The following ABHD2 variants were observed in gnomAD, a reference collection of about 807,000 sequenced individuals.
ABHD2 encodes monoacylglycerol lipase ABHD2.
Under a neutral mutation model 48.1 loss-of-function variants are expected in ABHD2, and 20 were observed. The observed-to-expected ratio is 0.42, with a 90% CI of 0.29 to 0.60. The LOEUF is 0.60. Ranked by LOEUF, ABHD2 falls within the 20% of genes least tolerant of loss-of-function variation. ABHD2 has a pLI of 0.24. For missense variants in ABHD2, 405 were observed against 550.9 expected, an observed-to-expected ratio of 0.74 and a Z score of 2.65; for synonymous variants, 209 against 214.2, an observed-to-expected ratio of 0.98 and a Z score of 0.21.
intron 3 of ABHD2, among the ~76,000 whole-genome samples, chr15:89,117,580 C>G (rs1040015941): frequency 2.0e-5 from 3 of 152,224 alleles, no homozygotes; most frequent in African/African-American, 7.2e-5. Flanking sequence ...CTTTTTCAAG[C>G]TTACTCCATT....
chr15:89,179,184 A>G lies in ABHD2; in HGVS notation c.722+3189A>G, dbSNP rs1312802981. Among the ~76,000 whole-genome samples the G allele has an allele frequency of 1.3e-5, 2 of 152,216 alleles. No homozygotes were observed. Among genetic ancestry groups the G allele is most frequent in the Non-Finnish European group, 2.9e-5 (2 of 68,030 alleles). ...TGAAGGAGGTGAGGGTGAGGAGGAC[A>G]GTAGCACAGGGCCCAGGCCAGGGGC... On this transcript the variant is annotated intron_variant, in intron 6 of 10. Transcript: ENST00000352732. The surrounding 1 kb of genome is among the most constrained non-coding windows in gnomAD (Gnocchi z 4.3).
At chr15:89,062,702 A>T in the ABHD2 span, among the ~76,000 whole-genome samples, 5 of 151,964 alleles carry the variant, frequency 3.3e-5, no homozygotes, top group African/African-American at 9.7e-5. Flanking sequence ...TTGATTTTTT[A>T]AAAATACATT....
the ABHD2 span, among the ~76,000 whole-genome samples, chr15:89,055,927 G>A: frequency 6.6e-6 from 1 of 152,080 alleles, no homozygotes; most frequent in East Asian, 1.9e-4. Context: ...GCAGTGGCGT[G>A]ATCACGGCTC....
intron 1 of ABHD2, among the ~76,000 whole-genome samples, chr15:89,108,781 G>A (rs1313256602): frequency 6.6e-6 from 1 of 152,228 alleles, no homozygotes; most frequent in African/African-American, 2.4e-5. Flanking sequence ...AAGGCCCTGA[G>A]GGTTGTTAGT....
intron 3 of ABHD2, among the ~76,000 whole-genome samples, chr15:89,140,749 C>T (rs2050389747): frequency 6.6e-6 from 1 of 152,128 alleles, no homozygotes; most frequent in African/African-American, 2.4e-5. Flanking sequence ...AGAGAGAGCA[C>T]CTTACTGTAT....
In ABHD2 at chr15:89,102,206, A is replaced by G. The variant is rs528162119; in HGVS notation, c.-106-11519A>G. On this transcript the variant is annotated intron_variant, in intron 1 of 10. Coordinates refer to ENST00000352732, the MANE Select transcript of ABHD2 (RefSeq NM_152924.5). This position sits in a 1 kb window ranked among gnomAD's most constrained non-coding sequence, Gnocchi z 4.8. ...ACCCCTCCTTCTCACCTTCTCTTCTATTCCATCTCTTCCAGTGGTTCCCAG... is the reference window on the plus strand; with the variant it reads ...ACCCCTCCTTCTCACCTTCTCTTCTGTTCCATCTCTTCCAGTGGTTCCCAG... Among the ~76,000 whole-genome samples the G allele has an allele frequency of 7.9e-5, 12 of 152,090 alleles. No individual in the cohort carries two copies. Among genetic ancestry groups the G allele is most frequent in the Admixed American group, 3.9e-4 (6 of 15,280 alleles).
the ABHD2 span, among the ~76,000 whole-genome samples, chr15:89,063,593 G>A: frequency 6.6e-6 from 1 of 151,732 alleles, no homozygotes; most frequent in Non-Finnish European, 1.5e-5. Flanking sequence ...CAAAGAGAAA[G>A]GGGAGTATTC....
At chr15:89,117,923 A>G (rs923712763) in intron 3 of ABHD2, among the ~76,000 whole-genome samples, 2 of 152,360 alleles carry the variant, frequency 1.3e-5, no homozygotes, top group East Asian at 1.9e-4. Context: ...TAGTTGTGAC[A>G]GTGATGTCAT....
In ABHD2 at chr15:89,182,644, T is replaced by C. The variant is rs2051132491; in HGVS notation, c.723-2780T>C. Among the ~76,000 whole-genome samples the C allele has an allele frequency of 6.6e-6, 1 of 151,860 alleles. No individual in the cohort carries two copies. Among genetic ancestry groups the C allele is most frequent in the South Asian group, 2.1e-4 (1 of 4,816 alleles). Reference sequence around the variant, plus strand: ...TATTCTACTAAAAAAATACAAAAAATTATCTGGGCATGATGGCACACACCT... The same window carrying C: ...TATTCTACTAAAAAAATACAAAAAACTATCTGGGCATGATGGCACACACCT... On this transcript the variant is annotated intron_variant, in intron 6 of 10. Coordinates refer to ENST00000352732, the MANE Select transcript of ABHD2 (RefSeq NM_152924.5). The surrounding 1 kb of genome is among the most constrained non-coding windows in gnomAD (Gnocchi z 4.8).
intron 3 of ABHD2, among the ~76,000 whole-genome samples, chr15:89,132,396 C>T (rs931611384): frequency 1.3e-5 from 2 of 152,062 alleles, no homozygotes; most frequent in African/African-American, 2.4e-5. Flanking sequence ...TTTATGCAGA[C>T]GTTCAGAACT....
At position 89,196,863 on chromosome 15, in the gene ABHD2, G is replaced by A. The variant is rs369874910; in HGVS notation, c.*1440G>A. 5.2e-5 allele frequency: 8 copies of A among 152,718 alleles called. No individual in the cohort carries two copies. In the East Asian group the frequency reaches 7.7e-4, roughly 15 times the overall value. The allele number at this position is 152,718 out of a possible 1,614,324, so 9.5% of individuals were successfully genotyped here. On this transcript the variant is annotated 3_prime_UTR_variant, in exon 11 of 11. Transcript: ENST00000352732. ...TAGGTTTCAAGTACTCCTTTTCTCC[G>A]ATCCTGTGGTACTTGAATATCCAAA... is the stretch of plus-strand genomic sequence containing the variant.
rs560883740 is a variant in ABHD2 at position 89,196,003 on chromosome 15, A to G, written c.*580A>G. On this transcript the variant is annotated 3_prime_UTR_variant, in exon 11 of 11. Transcript: ENST00000352732. ...CCCTGTCTCCTGAGACCATTTCCCTACGCTTTGCTGCTGCTGAGAGTTACG... is the reference window on the plus strand; with the variant it reads ...CCCTGTCTCCTGAGACCATTTCCCTGCGCTTTGCTGCTGCTGAGAGTTACG... 6.6e-6 allele frequency: 1 copy of G among 152,576 alleles called. No homozygotes were observed. The highest frequency in any genetic ancestry group is 2.1e-4 in the South Asian group (1 of 4,818). 9.5% of individuals were successfully genotyped at this position (152,576 alleles called of 1,614,324 possible). A position where few individuals can be genotyped will look rare whatever the true frequency, so the allele number is the denominator to read the frequency against.
At chr15:89,063,065 T>C in the ABHD2 span, among the ~76,000 whole-genome samples, 1 of 151,544 alleles carries the variant, frequency 6.6e-6, no homozygotes, top group Admixed American at 6.6e-5. Flanking sequence ...CCTCCTGGGT[T>C]CAGGTGACTC....
In ABHD2 at chr15:89,200,647, G is replaced by A. The variant is rs2051456741; in HGVS notation, c.*5224G>A. The A allele has an allele frequency of 5.6e-6, 1 of 178,612 alleles. No homozygotes were observed. The highest frequency in any genetic ancestry group is 1.2e-5 in the Non-Finnish European group (1 of 80,278). 11.1% of individuals were successfully genotyped at this position (178,612 alleles called of 1,614,324 possible). On this transcript the variant is annotated 3_prime_UTR_variant, in exon 11 of 11. Coordinates refer to ENST00000352732, the MANE Select transcript of ABHD2 (RefSeq NM_152924.5). ...AGATCATTAAAGGCAAAGCCTGTAT[G>A]ACGCTGTACACACACAAAAAAATGG... is the stretch of plus-strand genomic sequence containing the variant.
chr15:89,121,171 A>G (rs1206687219), intron 3 of ABHD2, among the ~76,000 whole-genome samples: 1 of 152,184 alleles, frequency 6.6e-6, no homozygotes, highest in African/African-American at 2.4e-5. Context: ...TTCTACCTCT[A>G]AACTGGCCAC....
At chr15:89,049,671 CT>C in the ABHD2 span, among the ~76,000 whole-genome samples, 2 of 152,244 alleles carry the variant, frequency 1.3e-5, no homozygotes, top group Non-Finnish European at 1.5e-5. Context: ...TTCTGTCACC[CT>C]TTTCTTTGAC....
At chr15:89,194,465 G>T (rs748506654) in intron 10 of ABHD2, among the ~76,000 whole-genome samples, 1 of 152,206 alleles carries the variant, frequency 6.6e-6, no homozygotes, top group African/African-American at 2.4e-5. Context: ...AAAAAATAAA[G>T]TCAAGCTCTA....
At chr15:89,139,532 G>C (rs1271197320) in intron 3 of ABHD2, among the ~76,000 whole-genome samples, 1 of 152,136 alleles carries the variant, frequency 6.6e-6, no homozygotes, top group East Asian at 1.9e-4. Context: ...ACTCGTATTT[G>C]TTGAATTTTA....
At chr15:89,131,404 T>A (rs751249505) in intron 3 of ABHD2, among the ~76,000 whole-genome samples, 12 of 152,230 alleles carry the variant, frequency 7.9e-5, no homozygotes, top group Non-Finnish European at 4.4e-5. Flanking sequence ...TCTGGACATT[T>A]ATGGTTCTCT....
Sources: gnomAD v4.1 joint callset for allele counts (sites outside exome capture counted in the v4.1 genomes callset) on GRCh38, gnomAD v4.1.1 for gene constraint, Gnocchi (gnomAD v3.1) non-coding constraint, MANE v1.5 for transcripts, NCBI Gene and HGNC (gene_info 2026-07-23, HGNC 2026-07-21) for gene names.